Variants in OIT3 observed in about 807,000 individuals in gnomAD.
OIT3 encodes oncoprotein-induced transcript 3 protein.
Under a neutral mutation model 52.2 loss-of-function variants are expected in OIT3, and 41 were observed. That is an observed-to-expected ratio of 0.79 (90% CI 0.61 to 1.02). OIT3 has a LOEUF of 1.02. Ranked by LOEUF, OIT3 falls within the 50% of genes least tolerant of loss-of-function variation. OIT3 has a pLI of 0.00. For synonymous variants in OIT3, 244 were observed against 276.9 expected, an observed-to-expected ratio of 0.88 and a Z score of 1.18; for missense variants, 634 against 715.5, an observed-to-expected ratio of 0.89 and a Z score of 1.30.
intron 1 of OIT3, among the ~76,000 whole-genome samples, chr10:72,898,160 G>A (rs1416943128): frequency 1.3e-5 from 2 of 151,448 alleles, no homozygotes; most frequent in South Asian, 2.1e-4. Flanking sequence ...GGTGGCATAC[G>A]CTTGTGGTCC....
intron 1 of OIT3, among the ~76,000 whole-genome samples, chr10:72,896,275 G>A (rs1273389258): frequency 6.6e-6 from 1 of 152,190 alleles, no homozygotes; most frequent in Non-Finnish European, 1.5e-5. Flanking sequence ...GAGCCAGGGA[G>A]AGGAATCAAA....
intron 3 of OIT3, among the ~76,000 whole-genome samples, chr10:72,905,735 GC>G (rs1456697660): frequency 6.6e-6 from 1 of 152,150 alleles, no homozygotes; most frequent in Non-Finnish European, 1.5e-5. Flanking sequence ...TTCTCCTAGA[GC>G]CTTGGGCAGA....
At chr10:72,931,039 T>A (rs1353049501) in intron 8 of OIT3, among the ~76,000 whole-genome samples, 1 of 152,162 alleles carries the variant, frequency 6.6e-6, no homozygotes. Context: ...TAAGTGCTGA[T>A]GAAAACAATT....
rs956737463 is a variant in OIT3, at chr10:72,932,840, A to G, written c.*316A>G. 3 of 249,942 alleles carry G rather than the reference A, an allele frequency of 1.2e-5. No individual in the cohort carries two copies. Among genetic ancestry groups the G allele is most frequent in the African/African-American group, 6.6e-5 (3 of 45,158 alleles). 15.5% of individuals were successfully genotyped at this position (249,942 alleles called of 1,614,324 possible). ...CTCGTGTATGGTGCAATCAGACCAC[A>G]AAATCAGAAGCTGGGTATAATATTT... is the stretch of plus-strand genomic sequence containing the variant. On this transcript the variant is annotated 3_prime_UTR_variant, in exon 9 of 9. Coordinates refer to ENST00000334011, the MANE Select transcript of OIT3 (RefSeq NM_152635.3).
At position 72,906,708 on chromosome 10, in the gene OIT3, G is replaced by C; in HGVS notation, c.657G>C (p.Lys219Asn). The C allele has an allele frequency of 6.3e-7, 1 of 1,583,904 alleles. No homozygotes were observed. Among genetic ancestry groups the C allele is most frequent in the Non-Finnish European group, 8.6e-7 (1 of 1,165,872 alleles). Residue 219 changes from lysine (K) to asparagine (N), a missense_variant, in exon 4 of 9, where the codon AAG (lysine) becomes AAC (asparagine). Physicochemically the swap from Lys to Asn is moderately conservative, Grantham distance 94. Coordinates refer to ENST00000334011, the MANE Select transcript of OIT3 (RefSeq NM_152635.3). ...GCCGTGTGCTAAGAAGTGATGGCAA[G>C]ACTTGTGAAGGTGAGAATGGGCAAA... is the stretch of plus-strand genomic sequence containing the variant. ...GVGRVLRSDG[K>N]TCEDVEGCHN...
chr10:72,893,898 T>A, intron 1 of OIT3, 39 bp downstream of exon 1: 1 of 1,513,036 alleles, frequency 6.6e-7, no homozygotes. Flanking sequence ...ATGCACTTTT[T>A]GTTGTGGCAA....
chr10:72,902,989 C>T (rs889385572), intron 3 of OIT3, among the ~76,000 whole-genome samples: 1 of 152,140 alleles, frequency 6.6e-6, no homozygotes, highest in Admixed American at 6.6e-5. Context: ...TCTATCAAAG[C>T]CCCAAGTTCC....
chr10:72,915,995 A>G (rs1846069290), intron 6 of OIT3, among the ~76,000 whole-genome samples: 1 of 152,108 alleles, frequency 6.6e-6, no homozygotes, highest in South Asian at 2.1e-4. Context: ...GGCTTCATAG[A>G]AGAGATGAGT....
At chr10:72,904,924 T>A (rs1186069405) in intron 3 of OIT3, among the ~76,000 whole-genome samples, 1 of 152,168 alleles carries the variant, frequency 6.6e-6, no homozygotes, top group Non-Finnish European at 1.5e-5. Flanking sequence ...ACTGAGCATC[T>A]GGGGAGGGCC....
At chr10:72,895,364 A>T (rs1184182363) in intron 1 of OIT3, among the ~76,000 whole-genome samples, 1 of 151,890 alleles carries the variant, frequency 6.6e-6, no homozygotes, top group Non-Finnish European at 1.5e-5. Flanking sequence ...CTTTCCATAT[A>T]CCATCGCCCT....
In OIT3 at chr10:72,913,352, A is replaced by G. The variant is rs753286143; in HGVS notation, c.835A>G (p.Arg279Gly). Reference sequence around the variant, plus strand: ...AAATGCCATTGAAGTGAACATCCCCAGGGAGCTGGTTGGTGGCCTGGAGCT... The same window carrying G: ...AAATGCCATTGAAGTGAACATCCCCGGGGAGCTGGTTGGTGGCCTGGAGCT... ...KSNAIEVNIP[R>G]ELVGGLELFL... is the part of the protein sequence containing the mutation. Residue 279 changes from arginine to glycine, a missense_variant, in exon 6 of 9, where the codon AGG becomes GGG. Coordinates refer to ENST00000334011, the MANE Select transcript of OIT3 (RefSeq NM_152635.3). The G allele has an allele frequency of 9.9e-6, 16 of 1,613,282 alleles. No individual in the cohort carries two copies. Among genetic ancestry groups the G allele is most frequent in the Middle Eastern group, 1.6e-4 (1 of 6,078 alleles).
chr10:72,906,726 T>C lies in OIT3; in HGVS notation c.667+8T>C. The C allele has an allele frequency of 6.4e-7, 1 of 1,552,426 alleles. No homozygotes were observed. The highest frequency in any genetic ancestry group is 8.7e-7 in the Non-Finnish European group (1 of 1,151,730). On this transcript the variant is annotated splice_region_variant and intron_variant, in intron 4 of 8. Coordinates refer to ENST00000334011, the MANE Select transcript of OIT3 (RefSeq NM_152635.3). Reference sequence around the variant, plus strand: ...ATGGCAAGACTTGTGAAGGTGAGAATGGGCAAAAAGGGACCCAAATCAAGA... The same window carrying C: ...ATGGCAAGACTTGTGAAGGTGAGAACGGGCAAAAAGGGACCCAAATCAAGA...
At position 72,904,419 on chromosome 10, in the gene OIT3, G is replaced by A. The variant is rs1845961029; in HGVS notation, c.545-2177G>A. 2.0e-5 allele frequency among the ~76,000 whole-genome samples: 3 copies of A among 152,232 alleles called. 1 individual carries two copies. In the South Asian group the frequency reaches 6.2e-4, roughly 32 times the overall value. On this transcript the variant is annotated intron_variant, in intron 3 of 8. Transcript: ENST00000334011. ...AGAGGCTTCTAAGTGACCTACCCAA[G>A]CACGGATGTCACCATGTCTACATCC...
intron 2 of OIT3, 152 bp from the exon 3 acceptor site, chr10:72,900,225 G>A (rs1331363061): frequency 5.1e-6 from 3 of 590,854 alleles, no homozygotes; most frequent in Non-Finnish European, 9.1e-6. Context: ...GGGAGGCCAA[G>A]GTGAGAGGAT....
intron 4 of OIT3, 56 bp downstream of exon 4, chr10:72,906,774 A>T: frequency 1.3e-6 from 2 of 1,484,628 alleles, no homozygotes; most frequent in Non-Finnish European, 1.8e-6. Context: ...CCACTGGCTT[A>T]TTCTCTGATG....
At chr10:72,914,465 T>C (rs981478641) in intron 6 of OIT3, among the ~76,000 whole-genome samples, 1 of 152,176 alleles carries the variant, frequency 6.6e-6, no homozygotes, top group African/African-American at 2.4e-5. Context: ...ATCAGAAAGC[T>C]GATTCGACTT....
intron 7 of OIT3, 89 bp from the exon 8 acceptor site, chr10:72,930,449 G>A (rs775832712): frequency 5.2e-6 from 5 of 954,806 alleles, no homozygotes; most frequent in Non-Finnish European, 8.5e-6. Context: ...CACCCCTTTG[G>A]CTCTCCTTGG....
intron 4 of OIT3, among the ~76,000 whole-genome samples, chr10:72,908,158 A>G (rs1845996961): frequency 6.6e-6 from 1 of 152,052 alleles, no homozygotes; most frequent in African/African-American, 2.4e-5. Context: ...CACAAGAATC[A>G]CTTGAACCTG....
intron 1 of OIT3, among the ~76,000 whole-genome samples, chr10:72,894,476 G>T (rs1053820929): frequency 1.3e-5 from 2 of 152,166 alleles, no homozygotes; most frequent in African/African-American, 4.8e-5. Flanking sequence ...GAGGGTGGGG[G>T]TGAGATGGAG....
Sources: allele counts gnomAD v4.1 joint callset (sites outside exome capture counted in the v4.1 genomes callset), GRCh38; gene constraint gnomAD v4.1.1; transcripts MANE v1.5; gene names NCBI Gene and HGNC (gene_info 2026-07-23, HGNC 2026-07-21).